ZNF804A: variants seen among roughly 807,000 people sequenced by gnomAD.
ZNF804A encodes zinc finger protein 804A.
Under a neutral mutation model 16.5 loss-of-function variants are expected in ZNF804A, and 2 were observed. The ratio of observed to expected loss-of-function variants is 0.12; its 90% CI spans 0.05 to 0.38. The LOEUF is 0.38. Among genes scored for constraint, ZNF804A ranks in the 10% least tolerant of loss-of-function variants. ZNF804A has a pLI of 0.99. For synonymous variants in ZNF804A, 534 were observed against 489.6 expected (o/e 1.09, Z -1.20); for missense variants, 1,473 against 1,390.7 (o/e 1.06, Z -0.94).
intron 1 of ZNF804A, among the ~76,000 whole-genome samples, chr2:184,771,084 T>A (rs1694204497): frequency 2.0e-5 from 3 of 152,016 alleles, no homozygotes; most frequent in Admixed American, 1.3e-4. Context: ...AGTATGAAGA[T>A]GAGCAAACTA....
intron 1 of ZNF804A, among the ~76,000 whole-genome samples, chr2:184,731,289 G>GA (rs1286326871): frequency 2.4e-5 from 2 of 81,842 alleles, no homozygotes; most frequent in South Asian, 4.0e-4. Flanking sequence ...AAGGAAAAAA[G>GA]AAAAAAAAGA....
intron 1 of ZNF804A, among the ~76,000 whole-genome samples, chr2:184,617,679 C>A (rs1445097347): frequency 6.6e-6 from 1 of 151,472 alleles, no homozygotes; most frequent in Non-Finnish European, 1.5e-5. Context: ...CCTTAGGAAT[C>A]AATTCTACAT....
intron 2 of ZNF804A, among the ~76,000 whole-genome samples, chr2:184,887,865 A>T (rs560270466): frequency 8.5e-5 from 13 of 152,314 alleles, no homozygotes; most frequent in Admixed American, 4.6e-4. Flanking sequence ...GTGAGTTAAC[A>T]CAGGAACAGA....
chr2:184,753,990 GTCT>G (rs980151239), intron 1 of ZNF804A, among the ~76,000 whole-genome samples: 2 of 151,748 alleles, frequency 1.3e-5, no homozygotes, highest in Non-Finnish European at 2.9e-5. Flanking sequence ...CATTTTATCT[GTCT>G]ATATACCCAT....
At chr2:184,914,046 G>A (rs574825037) in intron 2 of ZNF804A, among the ~76,000 whole-genome samples, 131 of 152,282 alleles carry the variant, frequency 8.6e-4, no homozygotes, top group Non-Finnish European at 6.6e-4. Flanking sequence ...CTCCCACGAC[G>A]TAAACAGAAT....
At chr2:184,727,260 G>T (rs1371118803) in intron 1 of ZNF804A, among the ~76,000 whole-genome samples, 1 of 151,444 alleles carries the variant, frequency 6.6e-6, no homozygotes, top group East Asian at 1.9e-4. Context: ...TAATACAGAA[G>T]ATATACTCTT....
intron 1 of ZNF804A, among the ~76,000 whole-genome samples, chr2:184,799,404 G>T (rs1694688182): frequency 1.3e-5 from 2 of 152,012 alleles, no homozygotes; most frequent in Non-Finnish European, 2.9e-5. Context: ...ATGTTTTGAA[G>T]TTTTTTTGCA....
intron 2 of ZNF804A, among the ~76,000 whole-genome samples, chr2:184,868,593 C>G (rs1237187820): frequency 6.6e-6 from 1 of 151,874 alleles, no homozygotes; most frequent in Admixed American, 6.6e-5. Context: ...GATTAAAAAG[C>G]TGAGAAAGCT....
chr2:184,675,114 T>C (rs1692400606), intron 1 of ZNF804A, among the ~76,000 whole-genome samples: 1 of 151,818 alleles, frequency 6.6e-6, no homozygotes, highest in Non-Finnish European at 1.5e-5. Flanking sequence ...TGTATGAGTG[T>C]TTTGTGTTTA....
Position 184,936,571 on chromosome 2 carries a change from A to G in ZNF804A, c.1175A>G (p.Asn392Ser). ...HNEASTTEVENKNGPETLAPS... is the reference protein window; with the variant it reads ...HNEASTTEVESKNGPETLAPS... The stretch of plus-strand genomic sequence containing the variant: ...GAGGCATCCACAACTGAGGTTGAAA[A>G]TAAAAATGGTCCCGAGACATTGGCC... Residue 392 changes from asparagine to serine, a missense_variant, in exon 4 of 4, where the codon AAT becomes AGT. Transcript: ENST00000302277. 1.9e-6 allele frequency: 3 copies of G among 1,614,056 alleles called. No individual in the cohort carries two copies. Among genetic ancestry groups the G allele is most frequent in the Non-Finnish European group, 2.5e-6 (3 of 1,179,962 alleles).
chr2:184,776,452 G>A (rs1694286579), intron 1 of ZNF804A, among the ~76,000 whole-genome samples: 1 of 151,126 alleles, frequency 6.6e-6, no homozygotes, highest in Non-Finnish European at 1.5e-5. Flanking sequence ...TGGAGGTTCA[G>A]GTTTTGTTGG....
Position 184,937,809 on chromosome 2 carries a change from C to T in ZNF804A, c.2413C>T (p.Pro805Ser), listed in dbSNP as rs201018507. 2.8e-5 allele frequency: 45 copies of T among 1,614,088 alleles called. No individual in the cohort carries two copies. Among genetic ancestry groups the T allele is most frequent in the Non-Finnish European group, 3.6e-5 (43 of 1,180,010 alleles). Residue 805 changes from proline (P) to serine (S), a missense_variant, in exon 4 of 4, where the codon CCC becomes TCC. Coordinates refer to ENST00000302277, the MANE Select transcript of ZNF804A (RefSeq NM_194250.2). ...GAGGCCACCAAGTACTTCAGTTGCT[C>T]CCTGCAAGCCTAAAAAGAAACGGAG... ...FLRPPSTSVA[P>S]CKPKKKRRRK...
chr2:184,690,507 T>A (rs890356173), intron 1 of ZNF804A, among the ~76,000 whole-genome samples: 1 of 152,090 alleles, frequency 6.6e-6, no homozygotes, highest in Admixed American at 6.5e-5. Flanking sequence ...TACTTATGTT[T>A]GCTAAAATTC....
chr2:184,856,411 T>A (rs1267152716), intron 1 of ZNF804A, among the ~76,000 whole-genome samples: 2 of 151,732 alleles, frequency 1.3e-5, no homozygotes, highest in Non-Finnish European at 2.9e-5. Flanking sequence ...AGGTAGAGAG[T>A]GAAAGTCTGC....
At chr2:184,901,117 T>A (rs1685174746) in intron 2 of ZNF804A, among the ~76,000 whole-genome samples, 1 of 152,160 alleles carries the variant, frequency 6.6e-6, no homozygotes, top group African/African-American at 2.4e-5. Flanking sequence ...CTACACTGCT[T>A]AAAATGGCAT....
At chr2:184,754,897 G>T (rs1403106143) in intron 1 of ZNF804A, among the ~76,000 whole-genome samples, 1 of 151,750 alleles carries the variant, frequency 6.6e-6, no homozygotes, top group African/African-American at 2.4e-5. Context: ...TTTGCAGCAG[G>T]AGAGAGAGAG....
intron 1 of ZNF804A, among the ~76,000 whole-genome samples, chr2:184,863,878 T>C (rs1038883679): frequency 6.6e-6 from 1 of 152,210 alleles, no homozygotes; most frequent in Non-Finnish European, 1.5e-5. Context: ...TGGGTCTATA[T>C]TACTTACTTT....
chr2:184,854,440 C>A (rs1256996213), intron 1 of ZNF804A, among the ~76,000 whole-genome samples: 3 of 151,938 alleles, frequency 2.0e-5, no homozygotes, highest in African/African-American at 7.2e-5. Context: ...CCCTGTGATG[C>A]CTCATACAGG....
At chr2:184,604,868 C>G (rs780831375) in intron 1 of ZNF804A, among the ~76,000 whole-genome samples, 7 of 152,046 alleles carry the variant, frequency 4.6e-5, no homozygotes, top group Non-Finnish European at 7.4e-5. Context: ...AGTCAAATAT[C>G]TAGGATCTCT....
Sources: gnomAD v4.1 joint callset for allele counts (sites outside exome capture counted in the v4.1 genomes callset) on GRCh38, gnomAD v4.1.1 for gene constraint, MANE v1.5 for transcripts, NCBI Gene and HGNC (gene_info 2026-07-23, HGNC 2026-07-21) for gene names.